CDH18: variants seen among roughly 807,000 people sequenced by gnomAD.
CDH18 encodes cadherin 18.
CDH18 carries 31 observed loss-of-function variants against 67.9 expected under a neutral mutation model. The ratio of observed to expected loss-of-function variants is 0.46; its 90% CI spans 0.34 to 0.62. CDH18 has a LOEUF of 0.62. Among genes scored for constraint, CDH18 ranks in the 20% least tolerant of loss-of-function variants. The pLI is 0.01. For synonymous variants in CDH18, 362 were observed against 347.2 expected, an observed-to-expected ratio of 1.04 and a Z score of -0.48; for missense variants, 890 against 975.5, an observed-to-expected ratio of 0.91 and a Z score of 1.17.
rs559287112 is a variant in CDH18 at position 20,526,879 on chromosome 5, T to A, written c.-580+48583A>T. Among the ~76,000 whole-genome samples, 10 of 152,150 alleles carry A rather than the reference T, an allele frequency of 6.6e-5. No individual in the cohort carries two copies. In the South Asian group the frequency reaches 2.1e-3, roughly 32 times the overall value. ...AGCATGCCTCTTCTCCTCCAAATGA[T>A]TGCAACACCTCTCCAGCAAGGGCAC... On this transcript the variant is annotated intron_variant, in intron 1 of 14. Coordinates refer to the CDH18 transcript ENST00000507958.
At chr5:19,643,720 A>G (rs1455253337) in intron 5 of CDH18, among the ~76,000 whole-genome samples, 2 of 152,138 alleles carry the variant, frequency 1.3e-5, no homozygotes, top group Admixed American at 6.5e-5. Context: ...AAGGGCTACA[A>G]AGTCTTAGTT....
chr5:19,701,478 A>T (rs767485441), intron 5 of CDH18, among the ~76,000 whole-genome samples: 1 of 152,146 alleles, frequency 6.6e-6, no homozygotes, highest in Non-Finnish European at 1.5e-5. Flanking sequence ...CTCCTAAGAC[A>T]CAGAGTTATG....
At chr5:19,994,875 G>GAGAGAA (rs1239686581) in intron 2 of CDH18, among the ~76,000 whole-genome samples, 2 of 140,164 alleles carry the variant, frequency 1.4e-5, no homozygotes, top group Admixed American at 1.5e-4. Context: ...GAGAGAGAGA[G>GAGAGAA]AGATGTAGAA....
intron 3 of CDH18, among the ~76,000 whole-genome samples, chr5:19,795,733 GA>G (rs545039729): frequency 2.6e-5 from 4 of 151,396 alleles, no homozygotes; most frequent in South Asian, 2.1e-4. Flanking sequence ...TAACTTAAAT[GA>G]AAAAAAATAA....
chr5:19,587,658 T>G (rs916407714), intron 7 of CDH18, among the ~76,000 whole-genome samples: 18 of 151,770 alleles, frequency 1.2e-4, no homozygotes, highest in Non-Finnish European at 2.4e-4. Context: ...GTGTGTCTTT[T>G]TTTTTTGTAC....
At chr5:19,972,579 A>T (rs62353342) in intron 2 of CDH18, among the ~76,000 whole-genome samples, 91,182 of 151,124 alleles carry the variant, frequency 0.6, 27,855 homozygotes, top group Middle Eastern at 0.73. Flanking sequence ...AAAATATAGC[A>T]GGGGAATAAT....
intron 2 of CDH18, among the ~76,000 whole-genome samples, chr5:19,884,589 A>G (rs1490320717): frequency 6.6e-6 from 1 of 151,952 alleles, no homozygotes; most frequent in Non-Finnish European, 1.5e-5. Context: ...TACATAGATT[A>G]AAAGAAATAT....
intron 2 of CDH18, among the ~76,000 whole-genome samples, chr5:19,962,567 A>G (rs969069449): frequency 6.6e-6 from 1 of 151,956 alleles, no homozygotes; most frequent in East Asian, 1.9e-4. Flanking sequence ...TGAGATCAGG[A>G]GTATGAAACC....
intron 5 of CDH18, among the ~76,000 whole-genome samples, chr5:19,664,403 T>C (rs972333634): frequency 2.0e-5 from 3 of 151,836 alleles, no homozygotes; most frequent in African/African-American, 4.8e-5. Flanking sequence ...TATACTGACA[T>C]AGAAAGCTGA....
chr5:20,087,984 T>C (rs76337789), intron 2 of CDH18, among the ~76,000 whole-genome samples: 2,223 of 152,310 alleles, frequency 0.015, 25 homozygotes, highest in Middle Eastern at 0.027. Flanking sequence ...TCTGCCACAA[T>C]AACCCAGTGA....
intron 1 of CDH18, among the ~76,000 whole-genome samples, chr5:20,352,847 G>A (rs372158956): frequency 2.5e-3 from 384 of 151,890 alleles, no homozygotes; most frequent in Non-Finnish European, 3.6e-3. Context: ...TGATGACACT[G>A]ATGTGATTTA....
At chr5:20,378,526 G>A (rs1743652029) in intron 1 of CDH18, among the ~76,000 whole-genome samples, 1 of 152,082 alleles carries the variant, frequency 6.6e-6, no homozygotes, top group Admixed American at 6.6e-5. Context: ...CAGCAATCTC[G>A]TGAGTGCTGT....
chr5:20,198,062 A>G (rs1195399746), intron 2 of CDH18, among the ~76,000 whole-genome samples: 1 of 152,118 alleles, frequency 6.6e-6, no homozygotes, highest in Non-Finnish European at 1.5e-5. Context: ...CCCTGATTGT[A>G]AGTTTCCTGA....
intron 2 of CDH18, among the ~76,000 whole-genome samples, chr5:19,922,340 G>C (rs1482082922): frequency 6.6e-6 from 1 of 152,146 alleles, no homozygotes; most frequent in South Asian, 2.1e-4. Context: ...GGTTAAATTA[G>C]CTTGAAATTA....
intron 2 of CDH18, among the ~76,000 whole-genome samples, chr5:19,906,330 A>G (rs1314570627): frequency 6.6e-6 from 1 of 151,974 alleles, no homozygotes; most frequent in Non-Finnish European, 1.5e-5. Flanking sequence ...AATGTGTAAT[A>G]CAGGTTAAAG....
intron 5 of CDH18, among the ~76,000 whole-genome samples, chr5:19,690,016 A>T (rs1208841066): frequency 2.0e-5 from 3 of 151,524 alleles, no homozygotes; most frequent in Non-Finnish European, 3.0e-5. Flanking sequence ...AGAGAAAAAG[A>T]AGGTCATTAT....
chr5:19,554,049 T>A (rs1268143879), intron 8 of CDH18, among the ~76,000 whole-genome samples: 3 of 152,112 alleles, frequency 2.0e-5, no homozygotes, highest in Non-Finnish European at 4.4e-5. Context: ...ACACAAGCCA[T>A]GCATTGAGAA....
chr5:19,515,726 C>T (rs1745873085), intron 10 of CDH18, among the ~76,000 whole-genome samples: 1 of 152,102 alleles, frequency 6.6e-6, no homozygotes, highest in African/African-American at 2.4e-5. Context: ...GCTGAAGTTT[C>T]TTATCAGCTT....
At chr5:19,721,326 G>A (rs1210743581) in intron 5 of CDH18, 21 bp downstream of exon 5, 2 of 1,559,558 alleles carry the variant, frequency 1.3e-6, no homozygotes, top group African/African-American at 1.3e-5. Context: ...TTGCATGCGA[G>A]TTATGTGTAA....
Sources: gnomAD v4.1 joint callset for allele counts (sites outside exome capture counted in the v4.1 genomes callset) on GRCh38, gnomAD v4.1.1 for gene constraint, MANE v1.5 for transcripts, NCBI Gene and HGNC (gene_info 2026-07-23, HGNC 2026-07-21) for gene names.